The following REPS2 variants were observed in gnomAD, a reference collection of about 807,000 sequenced individuals.
REPS2 encodes the protein RALBP1 associated Eps domain containing 2.
Under a neutral mutation model 53.6 loss-of-function variants are expected in REPS2, and 23 were observed. That is an observed-to-expected ratio of 0.43 (90% confidence interval 0.31 to 0.61). REPS2 has a LOEUF of 0.61. Among genes scored for constraint, REPS2 ranks in the 20% least tolerant of loss-of-function variants. The pLI is 0.11. For missense variants in REPS2, 446 were observed against 534.9 expected, an observed-to-expected ratio of 0.83 and a Z score of 1.64; for synonymous variants, 238 against 218.6, an observed-to-expected ratio of 1.09 and a Z score of -0.78.
chrX:17,152,168 C>T lies in REPS2; in HGVS notation c.*4687C>T, dbSNP rs1331967175. ...AAGCAACGCAAGCAGATTCGAAGAGCTGTTGCCCTCTTCTAAAAAAGGCTT... is the reference window on the plus strand; with the variant it reads ...AAGCAACGCAAGCAGATTCGAAGAGTTGTTGCCCTCTTCTAAAAAAGGCTT... On this transcript the variant is annotated 3_prime_UTR_variant, in exon 18 of 18. Coordinates refer to ENST00000357277, the MANE Select transcript of REPS2 (RefSeq NM_004726.3). 8.9e-6 allele frequency: 1 copy of T among 112,037 alleles called. No homozygotes were observed. Among genetic ancestry groups the T allele is most frequent in the Admixed American group, 9.5e-5 (1 of 10,572 alleles). 9.2% of individuals were successfully genotyped at this position (112,037 alleles called of 1,213,427 possible). A position where few individuals can be genotyped will look rare whatever the true frequency, so the allele number is the denominator to read the frequency against.
intron 1 of REPS2, among the ~76,000 whole-genome samples, chrX:16,970,514 A>C (rs891300895): frequency 3.6e-5 from 4 of 112,425 alleles, no homozygotes; most frequent in Middle Eastern, 4.2e-3. Context: ...CCCACTTTTT[A>C]AAGTAACAGC....
rs750824751 is a variant in REPS2 at position 17,152,404 on chromosome X, A to G, written c.*4923A>G. On this transcript the variant is annotated 3_prime_UTR_variant, in exon 18 of 18. Transcript: ENST00000357277. Reference sequence around the variant, plus strand: ...CAGAAGCCTTGCTCTGCTGTCAACAATTGGGAAATGCTCATTTTTTCATGT... The same window carrying G: ...CAGAAGCCTTGCTCTGCTGTCAACAGTTGGGAAATGCTCATTTTTTCATGT... The G allele has an allele frequency of 3.6e-5, 4 of 112,311 alleles. No individual in the cohort carries two copies. The highest frequency in any genetic ancestry group is 1.9e-4 in the Admixed American group (2 of 10,621). 9.3% of individuals were successfully genotyped at this position (112,311 alleles called of 1,213,427 possible). A position where few individuals can be genotyped will look rare whatever the true frequency, so the allele number is the denominator to read the frequency against.
intron 13 of REPS2, among the ~76,000 whole-genome samples, chrX:17,092,110 C>G (rs550909659): frequency 9.8e-5 from 11 of 111,778 alleles, no homozygotes; most frequent in Middle Eastern, 4.6e-3. Flanking sequence ...TTTTGTTCCC[C>G]CTGAAGAATC....
intron 8 of REPS2, among the ~76,000 whole-genome samples, chrX:17,056,356 G>A (rs2062070127): frequency 8.9e-6 from 1 of 112,116 alleles, no homozygotes; most frequent in Non-Finnish European, 1.9e-5. Flanking sequence ...GGGTGGCCCT[G>A]GGCAATGGAG....
intron 9 of REPS2, among the ~76,000 whole-genome samples, chrX:17,064,900 A>T (rs182192097): frequency 1.7e-3 from 194 of 112,433 alleles, no homozygotes; most frequent in African/African-American, 5.9e-3. Context: ...TTGTGACCGT[A>T]TTCTTTCACT....
intron 1 of REPS2, among the ~76,000 whole-genome samples, chrX:16,968,095 C>T (rs1383940397): frequency 5.4e-5 from 6 of 110,974 alleles, no homozygotes; most frequent in Admixed American, 1.9e-4. Flanking sequence ...CATCTTGCAC[C>T]GCCCTTAATC....
intron 1 of REPS2, among the ~76,000 whole-genome samples, chrX:16,977,747 G>C (rs1037739332): frequency 9.3e-6 from 1 of 107,465 alleles, no homozygotes; most frequent in Non-Finnish European, 1.9e-5. Context: ...AACAAAAGAT[G>C]TGATGATTGC....
chrX:17,016,402 AT>A (rs935437642), intron 2 of REPS2, among the ~76,000 whole-genome samples: 3 of 110,975 alleles, frequency 2.7e-5, no homozygotes, highest in Non-Finnish European at 5.7e-5. Flanking sequence ...TGAATTTTTA[AT>A]TTTTTTTATT....
At chrX:17,061,806 C>A (rs2062162079) in intron 8 of REPS2, among the ~76,000 whole-genome samples, 1 of 112,336 alleles carries the variant, frequency 8.9e-6, no homozygotes, top group Non-Finnish European at 1.9e-5. Flanking sequence ...TGAATTCACT[C>A]AACTACCGAA....
rs113715225 is a variant in REPS2, at chrX:17,008,440, C to G, written c.397+2096C>G. On this transcript the variant is annotated intron_variant, in intron 2 of 17. Coordinates refer to ENST00000357277, the MANE Select transcript of REPS2 (RefSeq NM_004726.3). ...GGGAGCAGGATTGTTGAAGTTATCA[C>G]TTGTGTAAAGGATTAACAGTTTATC... is the stretch of plus-strand genomic sequence containing the variant. Among the ~76,000 whole-genome samples, 556 of 112,046 alleles carry G rather than the reference C, an allele frequency of 5.0e-3. 3 individuals are homozygous for G. The highest frequency in any genetic ancestry group is 0.017 in the African/African-American group (534 of 30,805).
At chrX:17,117,558 AATG>A (rs1441724265) in intron 14 of REPS2, among the ~76,000 whole-genome samples, 2 of 110,809 alleles carry the variant, frequency 1.8e-5, no homozygotes, top group East Asian at 5.7e-4. Context: ...GTTTGCTGAG[AATG>A]ATAGTTAACA....
Position 17,033,308 on chromosome X carries a change from T to C in REPS2, c.771+3685T>C, listed in dbSNP as rs112618237. Among the ~76,000 whole-genome samples the C allele has an allele frequency of 1.0e-3, 113 of 111,542 alleles. 1 individual carries two copies. The highest frequency in any genetic ancestry group is 3.5e-3 in the African/African-American group (107 of 30,687). On this transcript the variant is annotated intron_variant, in intron 5 of 17. Coordinates refer to ENST00000357277, the MANE Select transcript of REPS2 (RefSeq NM_004726.3). ...GCCCCTGCCTCATTTGTTTCAATCC[T>C]CCTTCCTCTGCCCTCCCCTTGTTAT...
At chrX:17,157,615 TC>T (rs1199672410), downstream of REPS2, among the ~76,000 whole-genome samples, 1 of 111,565 alleles carries the variant, frequency 9.0e-6, no homozygotes, top group Non-Finnish European at 1.9e-5. Flanking sequence ...TTGCCAAATA[TC>T]CTACAGTGCA....
chrX:17,134,052 T>C (rs1023463347), intron 15 of REPS2, 145 bp downstream of exon 15: 6 of 493,849 alleles, frequency 1.2e-5, no homozygotes, highest in African/African-American at 2.4e-5. Context: ...GTGGGTTCTT[T>C]GTGAAGATTG....
Position 17,134,635 on chromosome X carries a change from GT to G in REPS2, c.1663-617del, listed in dbSNP as rs1382529495. 4.6e-5 allele frequency among the ~76,000 whole-genome samples: 5 copies of G among 108,528 alleles called. No individual in the cohort carries two copies. The South Asian group carries it at 1.2e-3, about 26-fold the overall frequency. 94.2% of individuals were successfully genotyped at this position (108,528 alleles called of 115,157 possible). On this transcript the variant is annotated intron_variant, in intron 15 of 17. Coordinates refer to ENST00000357277, the MANE Select transcript of REPS2 (RefSeq NM_004726.3). ...TAGGTTTTTTTTTGTTTTTGTTTTT[GT>G]TTTTTTTTCCTGAGACAGAGTCTCG... is the stretch of plus-strand genomic sequence containing the variant.
chrX:17,087,924 CGATAGATAGATAGATAGATA>C lies in REPS2; in HGVS notation c.1516+10554_1516+10573del, dbSNP rs35140640. On this transcript the variant is annotated intron_variant, in intron 13 of 17. Coordinates refer to ENST00000357277, the MANE Select transcript of REPS2 (RefSeq NM_004726.3). Reference sequence around the variant, plus strand: ...GGGCAAGGACAGAGTGAGACTCTGTCGATAGATAGATAGATAGATAGATAGATAGATAGATAGATAGATAG... The same window carrying C: ...GGGCAAGGACAGAGTGAGACTCTGTCGATAGATAGATAGATAGATAGATAG... 3.1e-3 allele frequency among the ~76,000 whole-genome samples: 286 copies of C among 91,283 alleles called. 4 individuals are homozygous for C. The highest frequency in any genetic ancestry group is 6.8e-3 in the East Asian group (19 of 2,807). The allele number at this position is 91,283 out of a possible 115,157, so 79.3% of individuals were successfully genotyped here. A position where few individuals can be genotyped will look rare whatever the true frequency, so the allele number is the denominator to read the frequency against.
intron 2 of REPS2, among the ~76,000 whole-genome samples, chrX:17,018,814 A>AT (rs201340371): frequency 0.038 from 4,075 of 106,407 alleles, 204 homozygotes; most frequent in African/African-American, 0.13. Context: ...AAATTGAGGT[A>AT]TTTTTTTTTC....
intron 14 of REPS2, among the ~76,000 whole-genome samples, chrX:17,131,495 G>C (rs1176657094): frequency 8.9e-6 from 1 of 111,853 alleles, no homozygotes; most frequent in Non-Finnish European, 1.9e-5. Flanking sequence ...AAGTCAGTTT[G>C]TTGTGCTACA....
intron 1 of REPS2, among the ~76,000 whole-genome samples, chrX:16,989,872 G>C (rs995849354): frequency 6.2e-5 from 7 of 112,246 alleles, no homozygotes; most frequent in Non-Finnish European, 1.3e-4. Context: ...AAAACAGTTT[G>C]GCAGTTTCTT....
Sources: allele counts gnomAD v4.1 joint callset (sites outside exome capture counted in the v4.1 genomes callset), GRCh38; gene constraint gnomAD v4.1.1; transcripts MANE v1.5; gene names NCBI Gene and HGNC (gene_info 2026-07-23, HGNC 2026-07-21).